The following PIK3R5 variants were observed in gnomAD, a reference collection of about 807,000 sequenced individuals.
The protein encoded by PIK3R5 is phosphoinositide-3-kinase regulatory subunit 5.
Under a neutral mutation model 94.9 loss-of-function variants are expected in PIK3R5, and 32 were observed. That is an observed-to-expected ratio of 0.34 (90% CI 0.25 to 0.45). PIK3R5 has a LOEUF of 0.45. Ranked by LOEUF, PIK3R5 falls within the 20% of genes least tolerant of loss-of-function variation. The pLI is 1.00. For missense variants in PIK3R5, 853 were observed against 1,144.6 expected (o/e 0.75, Z 3.68); for synonymous variants, 443 against 479.4 (o/e 0.92, Z 0.99).
chr17:8,882,062 C>T lies in PIK3R5; in HGVS notation c.2206-181G>A. 1.7e-6 allele frequency: 1 copy of T among 600,508 alleles called. No individual in the cohort carries two copies. Among genetic ancestry groups the T allele is most frequent in the Non-Finnish European group, 3.0e-6 (1 of 336,156 alleles). 37.2% of individuals were successfully genotyped at this position (600,508 alleles called of 1,614,324 possible). ...AGACCTGGATGACTCCAGGGAAGAGCTCACGTCACTGGCTTGGTCTAGGGG... is the reference window on the plus strand; with the variant it reads ...AGACCTGGATGACTCCAGGGAAGAGTTCACGTCACTGGCTTGGTCTAGGGG... On this transcript the variant is annotated intron_variant, in intron 15 of 18. Coordinates refer to ENST00000447110, the MANE Select transcript of PIK3R5 (RefSeq NM_001142633.3). The surrounding 1 kb of genome is among the most constrained non-coding windows in gnomAD (Gnocchi z 4.1).
At chr17:8,914,303 A>C (rs1156828249) in intron 1 of PIK3R5, among the ~76,000 whole-genome samples, 1 of 152,194 alleles carries the variant, frequency 6.6e-6, no homozygotes, top group Non-Finnish European at 1.5e-5. Flanking sequence ...GAGAGAGTTG[A>C]CACTGGTATA....
intron 1 of PIK3R5, among the ~76,000 whole-genome samples, chr17:8,961,547 A>C (rs1413192261): frequency 1.3e-5 from 2 of 152,170 alleles, no homozygotes; most frequent in Non-Finnish European, 2.9e-5. Context: ...AGACAGGAGA[A>C]TTGCTTGAAC....
chr17:8,931,774 C>G (rs1195967269), intron 1 of PIK3R5, among the ~76,000 whole-genome samples: 2 of 152,152 alleles, frequency 1.3e-5, no homozygotes, highest in Non-Finnish European at 2.9e-5. Context: ...CTAGAAGTTG[C>G]ACAGTGCTGG....
chr17:8,907,936 C>A (rs973769557), intron 3 of PIK3R5, among the ~76,000 whole-genome samples: 1 of 152,200 alleles, frequency 6.6e-6, no homozygotes, highest in Non-Finnish European at 1.5e-5. Context: ...CTGTACCTGG[C>A]CTTACCTTTT....
At chr17:8,940,044 G>A (rs551764165) in intron 1 of PIK3R5, among the ~76,000 whole-genome samples, 70 of 152,332 alleles carry the variant, frequency 4.6e-4, no homozygotes, top group African/African-American at 1.6e-3. Flanking sequence ...GAGCTGCGGG[G>A]AGTTTCTAAT....
Position 8,949,330 on chromosome 17 carries a change from T to C in PIK3R5, c.-14+16266A>G, listed in dbSNP as rs994240705. On this transcript the variant is annotated intron_variant, in intron 1 of 18. Transcript: ENST00000447110. ...GTTGTACCAGCCACAGGGTGAAAGG[T>C]AGATTGCGGGGAAAGGGTCCGATAT... Among the ~76,000 whole-genome samples the C allele has an allele frequency of 2.6e-5, 4 of 152,266 alleles. No homozygotes were observed. In the South Asian group the frequency reaches 8.3e-4, roughly 32 times the overall value.
At chr17:8,930,271 T>C (rs1318878048) in intron 1 of PIK3R5, among the ~76,000 whole-genome samples, 3 of 152,122 alleles carry the variant, frequency 2.0e-5, no homozygotes, top group Non-Finnish European at 4.4e-5. Flanking sequence ...GGAATCAAAC[T>C]AGCAATCAAT....
At chr17:8,926,788 C>T (rs965623237) in intron 1 of PIK3R5, among the ~76,000 whole-genome samples, 14 of 152,080 alleles carry the variant, frequency 9.2e-5, no homozygotes, top group African/African-American at 1.2e-4. Context: ...CATGGTTACA[C>T]GTCCAAATGC....
intron 10 of PIK3R5, 62 bp from the exon 11 acceptor site, chr17:8,887,745 C>A: frequency 6.7e-7 from 1 of 1,491,782 alleles, no homozygotes; most frequent in Non-Finnish European, 9.1e-7. Flanking sequence ...GTAATCCCAG[C>A]ACTTTGGGAG....
In PIK3R5 at chr17:8,893,072, GTGTGTGTGTGTGTT is replaced by G. The variant is rs773757414; in HGVS notation, c.482+500_482+513del. Among the ~76,000 whole-genome samples, 2,172 of 140,294 alleles carry G rather than the reference GTGTGTGTGTGTGTT, an allele frequency of 0.015. 44 individuals carry two copies. The highest frequency in any genetic ancestry group is 0.059 in the African/African-American group (1,938 of 33,076). 92.0% of individuals were successfully genotyped at this position (140,294 alleles called of 152,430 possible). A position where few individuals can be genotyped will look rare whatever the true frequency, so the allele number is the denominator to read the frequency against. ...TGTGTGTGTGTGTGTGTGTGTGTGT[GTGTGTGTGTGTGTT>G]TGTGTATCAGGCTGTCATATAAAAT... On this transcript the variant is annotated intron_variant, in intron 6 of 18. Transcript: ENST00000447110. The surrounding 1 kb of genome is among the most constrained non-coding windows in gnomAD (Gnocchi z 5.1).
intron 5 of PIK3R5, among the ~76,000 whole-genome samples, chr17:8,902,550 C>A (rs1269748572): frequency 2.6e-5 from 4 of 152,020 alleles, no homozygotes; most frequent in Non-Finnish European, 5.9e-5. Flanking sequence ...CAGCACTTGG[C>A]CTGATATATT....
At chr17:8,926,677 A>G (rs1438337937) in intron 1 of PIK3R5, among the ~76,000 whole-genome samples, 1 of 152,142 alleles carries the variant, frequency 6.6e-6, no homozygotes, top group Non-Finnish European at 1.5e-5. Context: ...GATTCAGATT[A>G]TCTCCCACCA....
At position 8,882,327 on chromosome 17, in the gene PIK3R5, A is replaced by G. The variant is rs73973254; in HGVS notation, c.2206-446T>C. On this transcript the variant is annotated intron_variant, in intron 15 of 18. Coordinates refer to ENST00000447110, the MANE Select transcript of PIK3R5 (RefSeq NM_001142633.3). This position sits in a 1 kb window ranked among gnomAD's most constrained non-coding sequence, Gnocchi z 4.1. ...TGGTCCTCAGCTTACTTGACCTTAC[A>G]GTTCACTGCTCTCCCCTCCTTGAAA... The G allele has an allele frequency of 1.6e-3, 289 of 178,594 alleles. No homozygotes were observed. The highest frequency in any genetic ancestry group is 6.4e-3 in the African/African-American group (274 of 42,574). The allele number at this position is 178,594 out of a possible 1,614,324, so 11.1% of individuals were successfully genotyped here. A position where few individuals can be genotyped will look rare whatever the true frequency, so the allele number is the denominator to read the frequency against.
intron 1 of PIK3R5, among the ~76,000 whole-genome samples, chr17:8,951,766 T>C (rs1358147704): frequency 3.3e-5 from 5 of 152,254 alleles, no homozygotes; most frequent in Non-Finnish European, 5.9e-5. Context: ...AGAACATCTA[T>C]GTAACAGTGA....
chr17:8,911,375 G>A lies in PIK3R5; in HGVS notation c.103+17C>T, dbSNP rs764201879. ...TCCTTGAGCCCTCAAACACCTCCCC[G>A]GCTCCCTTGGACCGACCTGACCAGG... On this transcript the variant is annotated intron_variant, in intron 2 of 18. Coordinates refer to ENST00000447110, the MANE Select transcript of PIK3R5 (RefSeq NM_001142633.3). The surrounding 1 kb of genome is among the most constrained non-coding windows in gnomAD (Gnocchi z 5.3). The A allele has an allele frequency of 4.5e-5, 71 of 1,592,642 alleles. No homozygotes were observed. The highest frequency in any genetic ancestry group is 5.7e-5 in the Non-Finnish European group (67 of 1,174,014).
chr17:8,937,280 C>T (rs978947577), intron 1 of PIK3R5, among the ~76,000 whole-genome samples: 7 of 152,164 alleles, frequency 4.6e-5, no homozygotes, highest in Admixed American at 2.0e-4. Flanking sequence ...ACTTCCAGTA[C>T]GATGTTAAAT....
At chr17:8,937,617 C>T (rs762600770) in intron 1 of PIK3R5, among the ~76,000 whole-genome samples, 42 of 152,176 alleles carry the variant, frequency 2.8e-4, no homozygotes, top group African/African-American at 8.4e-4. Context: ...TTTCGTGTAT[C>T]GTTGGATTCA....
chr17:8,930,766 C>T (rs1391899295), intron 1 of PIK3R5, among the ~76,000 whole-genome samples: 1 of 152,150 alleles, frequency 6.6e-6, no homozygotes, highest in Non-Finnish European at 1.5e-5. Flanking sequence ...AAAACAAAGT[C>T]AATGCCAAAA....
chr17:8,887,333 G>C, intron 11 of PIK3R5, 112 bp from the exon 12 acceptor site: 1 of 1,457,464 alleles, frequency 6.9e-7, no homozygotes, highest in Non-Finnish European at 9.3e-7. Flanking sequence ...CCCTGCCCTT[G>C]GGGAAGTATG....
Sources: gnomAD v4.1 joint callset for allele counts (sites outside exome capture counted in the v4.1 genomes callset) on GRCh38, gnomAD v4.1.1 for gene constraint, Gnocchi (gnomAD v3.1) non-coding constraint, MANE v1.5 for transcripts, NCBI Gene and HGNC (gene_info 2026-07-23, HGNC 2026-07-21) for gene names.